Variants in KCNAB1 observed in about 807,000 individuals in gnomAD.
KCNAB1 encodes the protein voltage-gated potassium channel subunit beta-1.
A neutral mutation model predicts 64.6 loss-of-function variants in KCNAB1; 35 were observed. The observed-to-expected ratio is 0.54, with a 90% CI of 0.41 to 0.72. The LOEUF (loss-of-function observed/expected upper bound fraction) is 0.72. Among genes scored for constraint, KCNAB1 ranks in the 30% least tolerant of loss-of-function variants. The probability of loss-of-function intolerance (pLI) is 0.00; values close to 1 mark genes in which losing one functional copy is unlikely to be tolerated. For synonymous variants in KCNAB1, 177 were observed against 183.8 expected, an observed-to-expected ratio of 0.96 and a Z score of 0.30; for missense variants, 401 against 512.9, an observed-to-expected ratio of 0.78 and a Z score of 2.11.
chr3:156,196,126 G>T (rs980318248), intron 1 of KCNAB1, among the ~76,000 whole-genome samples: 1 of 152,090 alleles, frequency 6.6e-6, no homozygotes, highest in Non-Finnish European at 1.5e-5. Flanking sequence ...TGAGGACTTT[G>T]TTCTGTTCCA....
At chr3:156,178,526 C>T (rs918074404) in intron 1 of KCNAB1, among the ~76,000 whole-genome samples, 4 of 152,026 alleles carry the variant, frequency 2.6e-5, no homozygotes, top group African/African-American at 9.7e-5. Context: ...AGAAAGGGAG[C>T]AGAGCCCTTC....
intron 1 of KCNAB1, chr3:156,291,439 G>A (rs1720409404): frequency 2.6e-5 from 26 of 1,007,476 alleles, no homozygotes; most frequent in Non-Finnish European, 3.1e-5. Flanking sequence ...GATGCTGGCG[G>A]CGCATCTTGC....
intron 1 of KCNAB1, among the ~76,000 whole-genome samples, chr3:156,235,354 A>G (rs1375144044): frequency 6.6e-6 from 1 of 152,088 alleles, no homozygotes; most frequent in East Asian, 1.9e-4. Flanking sequence ...TTCATTCTCA[A>G]ATCTTGCCCT....
intron 8 of KCNAB1, among the ~76,000 whole-genome samples, chr3:156,507,199 C>T (rs1716884573): frequency 6.6e-6 from 1 of 152,200 alleles, no homozygotes. Context: ...CAGGTTCTTC[C>T]TCAACAAAAT....
At chr3:156,435,293 A>G (rs1028954543) in intron 2 of KCNAB1, among the ~76,000 whole-genome samples, 2 of 152,222 alleles carry the variant, frequency 1.3e-5, no homozygotes, top group Non-Finnish European at 2.9e-5. Flanking sequence ...GGTTAAAGGA[A>G]GAGGACGTAG....
intron 8 of KCNAB1, among the ~76,000 whole-genome samples, chr3:156,484,474 G>A (rs1265948479): frequency 6.6e-6 from 1 of 152,084 alleles, no homozygotes; most frequent in African/African-American, 2.4e-5. Context: ...TGACTCATGT[G>A]CACTTCCTTC....
At chr3:156,461,465 C>G (rs1465812149) in intron 5 of KCNAB1, among the ~76,000 whole-genome samples, 1 of 152,214 alleles carries the variant, frequency 6.6e-6, no homozygotes, top group Non-Finnish European at 1.5e-5. Context: ...CGGGCCTCCT[C>G]TACCTATTAA....
chr3:156,158,182 ATAAATAAATAAAT>A (rs1296616383), intron 1 of KCNAB1, among the ~76,000 whole-genome samples: 6 of 51,084 alleles, frequency 1.2e-4, no homozygotes, highest in South Asian at 8.0e-4. Flanking sequence ...AAAATAAAAA[ATAAATAAATAAAT>A]AAATAAATAA....
chr3:156,346,988 A>G (rs1263024137), intron 1 of KCNAB1, among the ~76,000 whole-genome samples: 2 of 152,116 alleles, frequency 1.3e-5, no homozygotes, highest in African/African-American at 4.8e-5. Flanking sequence ...AAAGAACCTA[A>G]ATGATATTAT....
intron 1 of KCNAB1, among the ~76,000 whole-genome samples, chr3:156,122,135 A>T (rs1415761521): frequency 6.6e-6 from 1 of 152,022 alleles, no homozygotes; most frequent in African/African-American, 2.4e-5. Context: ...AAGCTCTTGT[A>T]TATGCTGTTG....
chr3:156,375,568 C>T (rs1411072549), intron 1 of KCNAB1, among the ~76,000 whole-genome samples: 1 of 135,056 alleles, frequency 7.4e-6, no homozygotes, highest in Non-Finnish European at 1.5e-5. Context: ...GGTGTTTGGT[C>T]TCAGAGGCAA....
At chr3:156,475,132 G>A (rs1714246387) in intron 8 of KCNAB1, among the ~76,000 whole-genome samples, 1 of 152,086 alleles carries the variant, frequency 6.6e-6, no homozygotes, top group African/African-American at 2.4e-5. Flanking sequence ...ATTGGAAAGG[G>A]GCTTTATAAC....
At chr3:156,430,074 TAAGAATTGCTGACAAAAAGAAAGAAAGA>T (rs1716100990) in intron 2 of KCNAB1, among the ~76,000 whole-genome samples, 2 of 152,250 alleles carry the variant, frequency 1.3e-5, no homozygotes, top group African/African-American at 4.8e-5. Flanking sequence ...AAATCCTTCT[TAAGAATTGCTGACAAAAAGAAAGAAAGA>T]AAGAATTGCT....
chr3:156,438,751 C>T (rs1486765548), intron 2 of KCNAB1, among the ~76,000 whole-genome samples: 2 of 152,100 alleles, frequency 1.3e-5, no homozygotes, highest in Non-Finnish European at 2.9e-5. Context: ...CGTGGTGGCT[C>T]ACACCTGTAA....
intron 1 of KCNAB1, among the ~76,000 whole-genome samples, chr3:156,336,681 A>G (rs766348154): frequency 6.6e-6 from 1 of 152,244 alleles, no homozygotes; most frequent in Non-Finnish European, 1.5e-5. Context: ...TGCAGATTCT[A>G]AGGGAGTGTT....
chr3:156,197,377 G>A (rs1203823999), intron 1 of KCNAB1, among the ~76,000 whole-genome samples: 8 of 152,246 alleles, frequency 5.3e-5, no homozygotes, highest in East Asian at 1.9e-4. Flanking sequence ...GTTTCAGAAC[G>A]AATGCTACCA....
chr3:156,293,920 C>T (rs1006289342), intron 1 of KCNAB1, among the ~76,000 whole-genome samples: 5 of 152,196 alleles, frequency 3.3e-5, no homozygotes, highest in Admixed American at 3.3e-4. Context: ...AGGAACAGGA[C>T]CCTCCAGGGT....
chr3:156,213,078 A>G (rs1048326354), intron 1 of KCNAB1, among the ~76,000 whole-genome samples: 36 of 152,186 alleles, frequency 2.4e-4, no homozygotes, highest in African/African-American at 8.2e-4. Flanking sequence ...TCGCTTAGTA[A>G]CTAACACCAG....
intron 2 of KCNAB1, among the ~76,000 whole-genome samples, chr3:156,449,650 T>C (rs1201225836): frequency 1.3e-5 from 2 of 152,252 alleles, no homozygotes; most frequent in Non-Finnish European, 2.9e-5. Flanking sequence ...GTTTGAAGTC[T>C]GAGAACATTT....
Sources: allele counts gnomAD v4.1 joint callset (sites outside exome capture counted in the v4.1 genomes callset), GRCh38; gene constraint gnomAD v4.1.1; transcripts MANE v1.5; gene names NCBI Gene and HGNC (gene_info 2026-07-23, HGNC 2026-07-21).